The following BCAM variants were observed in gnomAD, a reference collection of about 807,000 sequenced individuals.
BCAM encodes basal cell adhesion molecule (Lutheran blood group), also known as basal cell adhesion molecule.
In BCAM, 61 loss-of-function variants were observed where a neutral mutation model predicts 72.4. The ratio of observed to expected loss-of-function variants is 0.84; its 90% CI spans 0.69 to 1.04. BCAM has a LOEUF of 1.04. Among genes scored for constraint, BCAM ranks in the 50% least tolerant of loss-of-function variants. The pLI is 0.00. For missense variants in BCAM, 909 were observed against 895.0 expected, an observed-to-expected ratio of 1.02 and a Z score of -0.20; for synonymous variants, 408 against 384.2, an observed-to-expected ratio of 1.06 and a Z score of -0.73.
chr19:44,819,906 T>G, intron 13 of BCAM, 180 bp downstream of exon 13: 1 of 1,362,168 alleles, frequency 7.3e-7, no homozygotes, highest in Non-Finnish European at 9.4e-7. Context: ...CCCAGACTAA[T>G]CCACAGCCAT....
At position 44,814,118 on chromosome 19, in the gene BCAM, G is replaced by T; in HGVS notation, c.785-34G>T. On this transcript the variant is annotated intron_variant, in intron 6 of 14. Transcript: ENST00000270233. The surrounding 1 kb of genome is among the most constrained non-coding windows in gnomAD (Gnocchi z 4.6). ...GTCCTCTAGCCTTGACCCTTCCCCT[G>T]ATCACAATTCCCATCTCCCTGCCCT... 2.6e-6 allele frequency: 4 copies of T among 1,554,832 alleles called. No homozygotes were observed. In the South Asian group the frequency reaches 3.6e-5, roughly 14 times the overall value.
At position 44,819,614 on chromosome 19, in the gene BCAM, G is replaced by A. The variant is rs554111422; in HGVS notation, c.1651G>A (p.Val551Ile). 31 of 1,613,456 alleles carry A rather than the reference G, an allele frequency of 1.9e-5. No homozygotes were observed. Among genetic ancestry groups the A allele is most frequent in the Middle Eastern group, 1.7e-4 (1 of 6,056 alleles). ...CCAGACCTCCCAGGCTGGAGTGGCC[G>A]TCATGGCCGTGGCCGTCAGCGTGGG... ...SPQTSQAGVAVMAVAVSVGLL... is the reference protein window; with the variant it reads ...SPQTSQAGVAIMAVAVSVGLL... The change falls in exon 13 of 15, where the codon GTC (valine) becomes ATC (isoleucine). Residue 551 changes from valine to isoleucine, a missense_variant. Physicochemically the swap from Val to Ile is conservative, Grantham distance 29. Coordinates refer to ENST00000270233, the MANE Select transcript of BCAM (RefSeq NM_005581.5).
In BCAM at chr19:44,819,490, G is replaced by A. The variant is rs760583107; in HGVS notation, c.1618G>A (p.Val540Met). ...GCGCCATGTCTTCCACTTCGGCACC[G>A]GTGAGTGACTGAGGTGGTGGCAGAG... ...NKRHVFHFGT[V>M]SPQTSQAGVA... The change falls in exon 12 of 15, where the codon GTG becomes ATG. Residue 540 changes from valine (V) to methionine (M), a missense_variant and splice_region_variant. Coordinates refer to ENST00000270233, the MANE Select transcript of BCAM (RefSeq NM_005581.5). 1.5e-5 allele frequency: 25 copies of A among 1,613,766 alleles called. No individual in the cohort carries two copies. The highest frequency in any genetic ancestry group is 5.0e-5 in the Admixed American group (3 of 59,984).
Position 44,814,745 on chromosome 19 carries a change from G to A in BCAM, c.1063G>A (p.Glu355Lys). Reference sequence around the variant, plus strand: ...TGACGTGCAGCTCTCCAAGACGCTGGAGCTGCGCGTGGCCTGTGAGAGCCC... The same window carrying A: ...TGACGTGCAGCTCTCCAAGACGCTGAAGCTGCGCGTGGCCTGTGAGAGCCC... ...ADDVQLSKTL[E>K]LRVAYLDPLE... Residue 355 changes from glutamate to lysine, a missense_variant, in exon 8 of 15, where the codon GAG becomes AAG. Transcript: ENST00000270233. This position sits in a 1 kb window ranked among gnomAD's most constrained non-coding sequence, Gnocchi z 4.6. 1 of 1,612,562 alleles carries A rather than the reference G, an allele frequency of 6.2e-7. No homozygotes were observed. Among genetic ancestry groups the A allele is most frequent in the Non-Finnish European group, 8.5e-7 (1 of 1,179,684 alleles).
Position 44,819,503 on chromosome 19 carries a change from G to A in BCAM, c.1618+13G>A. 6.2e-7 allele frequency: 1 copy of A among 1,613,894 alleles called. No homozygotes were observed. On this transcript the variant is annotated intron_variant, in intron 12 of 14. Transcript: ENST00000270233. The stretch of plus-strand genomic sequence containing the variant: ...CACTTCGGCACCGGTGAGTGACTGA[G>A]GTGGTGGCAGAGGAGCCGGGTGTGG...
chr19:44,811,000 G>A (rs1163262543), intron 1 of BCAM, among the ~76,000 whole-genome samples: 1 of 145,576 alleles, frequency 6.9e-6, no homozygotes, highest in African/African-American at 2.6e-5. Context: ...TAGACTCCTG[G>A]GTCTGAGGGA....
chr19:44,813,488 C>G lies in BCAM; in HGVS notation c.652C>G (p.Leu218Val). 6.2e-7 allele frequency: 1 copy of G among 1,612,632 alleles called. No homozygotes were observed. Among genetic ancestry groups the G allele is most frequent in the Non-Finnish European group, 8.5e-7 (1 of 1,179,898 alleles). Residue 218 changes from leucine (L) to valine (V), a missense_variant, in exon 6 of 15, where the codon CTC (leucine) becomes GTC (valine). Coordinates refer to ENST00000270233, the MANE Select transcript of BCAM (RefSeq NM_005581.5). The surrounding 1 kb of genome is among the most constrained non-coding windows in gnomAD (Gnocchi z 4.2). ...CCGGGAGGCCTCGGGCCTGCTCTCC[C>G]TCACCAGCACCCTCTACCTGCGGCT... ...TVREASGLLS[L>V]TSTLYLRLRK...
intron 13 of BCAM, chr19:44,820,116 C>G: frequency 9.3e-7 from 1 of 1,075,564 alleles, no homozygotes; most frequent in Non-Finnish European, 1.1e-6. Flanking sequence ...CCATAACCCC[C>G]TTCAAACCAT....
Position 44,821,097 on chromosome 19 carries a change from G to A in BCAM, c.*176G>A. 1 of 820,702 alleles carries A rather than the reference G, an allele frequency of 1.2e-6. No homozygotes were observed. The highest frequency in any genetic ancestry group is 1.7e-6 in the Non-Finnish European group (1 of 580,708). 50.8% of individuals were successfully genotyped at this position (820,702 alleles called of 1,614,324 possible). ...GACCCACAGTGGCTGCCTGCCTCCGGGAGGGAAGGAGAGGGAGGGTGGGTG... is the reference window on the plus strand; with the variant it reads ...GACCCACAGTGGCTGCCTGCCTCCGAGAGGGAAGGAGAGGGAGGGTGGGTG... On this transcript the variant is annotated 3_prime_UTR_variant, in exon 15 of 15. Coordinates refer to ENST00000270233, the MANE Select transcript of BCAM (RefSeq NM_005581.5).
At chr19:44,819,877 C>T (rs566017401) in intron 13 of BCAM, 151 bp downstream of exon 13, 1 of 1,416,408 alleles carries the variant, frequency 7.1e-7, no homozygotes, top group East Asian at 2.5e-5. Flanking sequence ...TCATCCCCAA[C>T]TACAGCCCCA....
At position 44,813,598 on chromosome 19, in the gene BCAM, C is replaced by A; in HGVS notation, c.762C>A (p.Pro254=). 1 of 1,612,490 alleles carries A rather than the reference C, an allele frequency of 6.2e-7. No homozygotes were observed. Among genetic ancestry groups the A allele is most frequent in the Non-Finnish European group, 8.5e-7 (1 of 1,179,844 alleles). The change falls in exon 6 of 15, where the codon CCC becomes CCA. Residue 254 remains proline, a synonymous_variant. Transcript: ENST00000270233. The surrounding 1 kb of genome is among the most constrained non-coding windows in gnomAD (Gnocchi z 4.2). Reference sequence around the variant, plus strand: ...GCCGCCACGGCCGCCTGGACAGCCCCACCTTCCACCTCACCCTGCACTGTG... The same window carrying A: ...GCCGCCACGGCCGCCTGGACAGCCCAACCTTCCACCTCACCCTGCACTGTG... ...PEGRHGRLDS[P]TFHLTLHYPT... is the part of the protein sequence containing the mutation.
rs949025079 is a variant in BCAM at position 44,811,283 on chromosome 19, G to A, written c.141G>A (p.Lys47=). 3.1e-6 allele frequency: 5 copies of A among 1,613,416 alleles called. No homozygotes were observed. In the African/African-American group the frequency reaches 6.7e-5, roughly 22 times the overall value. ...CGCTGGTGGAGGTGATGCGAGGAAA[G>A]TCTGTCATTCTGGACTGCACCCCTA... is the stretch of plus-strand genomic sequence containing the variant. ...VPPLVEVMRG[K]SVILDCTPTG... Residue 47 remains lysine, a synonymous_variant, in exon 2 of 15, where the codon AAG becomes AAA. Coordinates refer to ENST00000270233, the MANE Select transcript of BCAM (RefSeq NM_005581.5).
Position 44,819,372 on chromosome 19 carries a change from G to A in BCAM, c.1500G>A (p.Gln500=), listed in dbSNP as rs1968547704. 1.9e-6 allele frequency: 3 copies of A among 1,614,096 alleles called. No individual in the cohort carries two copies. Among genetic ancestry groups the A allele is most frequent in the Non-Finnish European group, 2.5e-6 (3 of 1,179,978 alleles). The part of the protein sequence containing the change: ...GSPAEPIPGR[Q]GWVSSSLTLK... ...CCGCAGAGCCAATCCCCGGACGGCA[G>A]GGTTGGGTGAGCAGCTCTCTGACCC... is the stretch of plus-strand genomic sequence containing the variant. The change falls in exon 12 of 15, where the codon CAG becomes CAA. Residue 500 remains glutamine, a synonymous_variant. Coordinates refer to ENST00000270233, the MANE Select transcript of BCAM (RefSeq NM_005581.5).
rs1284635202 is a variant in BCAM, at chr19:44,811,244, C to T, written c.102C>T (p.Arg34=). The T allele has an allele frequency of 6.2e-7, 1 of 1,607,902 alleles. No homozygotes were observed. Among genetic ancestry groups the T allele is most frequent in the Admixed American group, 1.7e-5 (1 of 59,976 alleles). The change falls in exon 2 of 15, where the codon CGC becomes CGT. Residue 34 remains arginine (R), a synonymous_variant. Transcript: ENST00000270233. ...AAHPDAQAEV[R]LSVPPLVEVM... is the part of the protein sequence containing the mutation. ...TTGCAGATGCCCAGGCGGAGGTGCG[C>T]TTGTCTGTACCCCCGCTGGTGGAGG...
chr19:44,817,043 C>G (rs1968511717), intron 8 of BCAM, among the ~76,000 whole-genome samples: 1 of 152,020 alleles, frequency 6.6e-6, no homozygotes, highest in Non-Finnish European at 1.5e-5. Flanking sequence ...TGAGACCATC[C>G]TGGCTAACAC....
rs202122474 is a variant in BCAM at position 44,814,281 on chromosome 19, G to A, written c.914G>A (p.Arg305His). ...GSPSPEYTLF[R>H]LQDEQEEVLN... ...CCCAGCCCGGAGTATACGCTTTTCCGCCTTCAGGTGACCCACCCAAGGGTC... is the reference window on the plus strand; with the variant it reads ...CCCAGCCCGGAGTATACGCTTTTCCACCTTCAGGTGACCCACCCAAGGGTC... The change falls in exon 7 of 15, where the codon CGC becomes CAC. Residue 305 changes from arginine to histidine, a missense_variant. Transcript: ENST00000270233. The surrounding 1 kb of genome is among the most constrained non-coding windows in gnomAD (Gnocchi z 4.6). 177 of 1,594,002 alleles carry A rather than the reference G, an allele frequency of 1.1e-4. 1 individual carries two copies. Among genetic ancestry groups the A allele is most frequent in the Middle Eastern group, 6.7e-4 (4 of 6,004 alleles).
At position 44,821,048 on chromosome 19, in the gene BCAM, T is replaced by C. The variant is rs1022760544; in HGVS notation, c.*127T>C. The C allele has an allele frequency of 1.2e-5, 14 of 1,175,368 alleles. No individual in the cohort carries two copies. Among genetic ancestry groups the C allele is most frequent in the Non-Finnish European group, 1.5e-5 (14 of 920,128 alleles). 72.8% of individuals were successfully genotyped at this position (1,175,368 alleles called of 1,614,324 possible). On this transcript the variant is annotated 3_prime_UTR_variant, in exon 15 of 15. Transcript: ENST00000270233. ...TCCCTCTCCCTGCCCAGCCCTCCCT[T>C]CCTTCCTCTGCCGGCAAGGCAGGGA...
Position 44,814,383 on chromosome 19 carries a change from T to A in BCAM, c.921+95T>A. Reference sequence around the variant, plus strand: ...TAACTTCTAATGTGGGACCTGGGAGTCCCCATGGCTTAGGCAGCCACCTGA... The same window carrying A: ...TAACTTCTAATGTGGGACCTGGGAGACCCCATGGCTTAGGCAGCCACCTGA... On this transcript the variant is annotated intron_variant, in intron 7 of 14. Transcript: ENST00000270233. The surrounding 1 kb of genome is among the most constrained non-coding windows in gnomAD (Gnocchi z 4.6). The A allele has an allele frequency of 6.7e-7, 1 of 1,497,456 alleles. No individual in the cohort carries two copies. Among genetic ancestry groups the A allele is most frequent in the Non-Finnish European group, 8.9e-7 (1 of 1,126,878 alleles). The allele number at this position is 1,497,456 out of a possible 1,614,324, so 92.8% of individuals were successfully genotyped here.
Position 44,820,783 on chromosome 19 carries a change from CG to C in BCAM, c.1844del (p.Gly615GlufsTer20). 6.6e-7 allele frequency: 1 copy of C among 1,507,076 alleles called. No homozygotes were observed. The highest frequency in any genetic ancestry group is 8.9e-7 in the Non-Finnish European group (1 of 1,123,740). The allele number at this position is 1,507,076 out of a possible 1,614,324, so 93.4% of individuals were successfully genotyped here. On this transcript the variant is annotated frameshift_variant, in exon 14 of 15. Transcript: ENST00000270233. LOFTEE classifies it high-confidence loss of function. ...QTGLLMGGAS[G>X]GARGGSGGFG... ...CCGGCCTTCTCATGGGAGGTGCCTC[CG>C]GAGGAGCCAGGGGTGGCAGCGGGGG...
Sources: gnomAD v4.1 joint callset for allele counts (sites outside exome capture counted in the v4.1 genomes callset) on GRCh38, gnomAD v4.1.1 for gene constraint, Gnocchi (gnomAD v3.1) non-coding constraint, MANE v1.5 for transcripts, NCBI Gene and HGNC (gene_info 2026-07-23, HGNC 2026-07-21) for gene names.